FREM1: variants seen among roughly 807,000 people sequenced by gnomAD.
FREM1 encodes FRAS1-related extracellular matrix protein 1.
A neutral mutation model predicts 210.1 loss-of-function variants in FREM1; 220 were observed. The ratio of observed to expected loss-of-function variants is 1.05; its 90% CI spans 0.94 to 1.17. The LOEUF is 1.17. FREM1 is among the 50% of genes most tolerant of loss of function. The pLI, the probability that FREM1 is intolerant of heterozygous loss-of-function variation, is 0.00. For synonymous variants in FREM1, 1,189 were observed against 980.2 expected (o/e 1.21, Z -3.98); for missense variants, 3,454 against 2,675.5 (o/e 1.29, Z -6.42).
chr9:14,786,070 G>A (rs1389736), intron 23 of FREM1, among the ~76,000 whole-genome samples: 147,970 of 152,234 alleles, frequency 0.97, 72,045 homozygotes, highest in Middle Eastern at 1. Context: ...TCAAATATAG[G>A]GCTTCTACTC....
At position 14,833,522 on chromosome 9, in the gene FREM1, T is replaced by C. The variant is rs180942992; in HGVS notation, c.1881+7925A>G. Among the ~76,000 whole-genome samples, 14 of 152,346 alleles carry C rather than the reference T, an allele frequency of 9.2e-5. No individual in the cohort carries two copies. In the East Asian group the frequency reaches 2.5e-3, roughly 27 times the overall value. On this transcript the variant is annotated intron_variant, in intron 10 of 36. Coordinates refer to ENST00000380880, the MANE Select transcript of FREM1 (RefSeq NM_001379081.2). ...TGTAATGGTAGTTTCAAAAGCTGCC[T>C]ATCACTCCTTTGAAAATACCTTGCA...
At chr9:14,900,330 C>T (rs1838551823) in intron 1 of FREM1, among the ~76,000 whole-genome samples, 2 of 152,204 alleles carry the variant, frequency 1.3e-5, no homozygotes, top group South Asian at 4.1e-4. Flanking sequence ...AGAACCACTG[C>T]TGCAAATATT....
Position 14,824,801 on chromosome 9 carries a change from G to A in FREM1, c.2073C>T (p.Ser691=), listed in dbSNP as rs12236053. Residue 691 remains serine (S), a synonymous_variant, in exon 11 of 37, where the codon AGC becomes AGT. Transcript: ENST00000380880. The part of the protein sequence containing the change: ...TITTPPFFSF[S]HRHLDAGKLF... ...AATGGTGACTTTTCAGATACCTGTG[G>A]CTGAAGGAGAAAAATGGAGGAGTAG... The A allele has an allele frequency of 0.13, 204,072 of 1,607,006 alleles. 13,441 individuals carry two copies. Among genetic ancestry groups the A allele is most frequent in the African/African-American group, 0.2 (14,751 of 74,844 alleles).
At chr9:14,786,714 A>G (rs751733784) in intron 23 of FREM1, among the ~76,000 whole-genome samples, 2 of 152,256 alleles carry the variant, frequency 1.3e-5, no homozygotes, top group Non-Finnish European at 2.9e-5. Context: ...ATTTCAGATT[A>G]CTAAATTGGT....
intron 21 of FREM1, 137 bp downstream of exon 21, chr9:14,797,361 T>C (rs552785502): frequency 2.4e-5 from 14 of 574,446 alleles, no homozygotes; most frequent in African/African-American, 9.5e-5. Flanking sequence ...TCCTCATGCC[T>C]GAGTGGCAGG....
chr9:14,814,723 G>A (rs945173184), intron 15 of FREM1, among the ~76,000 whole-genome samples: 4 of 152,136 alleles, frequency 2.6e-5, no homozygotes, highest in South Asian at 2.1e-4. Context: ...GTTCACAAAA[G>A]AGTCTCAGCT....
intron 10 of FREM1, among the ~76,000 whole-genome samples, chr9:14,829,791 T>C (rs534097361): frequency 6.6e-6 from 1 of 152,358 alleles, no homozygotes; most frequent in Non-Finnish European, 1.5e-5. Flanking sequence ...AACTTGCTTT[T>C]GAAAAACATT....
In FREM1 at chr9:14,868,771, G is replaced by C. The variant is rs528445853; in HGVS notation, c.207C>G (p.Thr69=). Residue 69 remains threonine (T), a synonymous_variant, in exon 2 of 37, where the codon ACC becomes ACG. Transcript: ENST00000380880. ...GTGGAGTGAGTTTCCCAACCCTCTG[G>C]GTTATTGGCTCATTCATCACAACTT... is the stretch of plus-strand genomic sequence containing the variant. ...KVEVVMNEPI[T]QRVGKLTPQV... is the part of the protein sequence containing the mutation. 3.1e-6 allele frequency: 5 copies of C among 1,612,218 alleles called. No homozygotes were observed. The highest frequency in any genetic ancestry group is 3.3e-5 in the Admixed American group (2 of 59,790).
At chr9:14,744,546 T>G (rs987287295) in intron 35 of FREM1, among the ~76,000 whole-genome samples, 3 of 152,126 alleles carry the variant, frequency 2.0e-5, no homozygotes, top group African/African-American at 7.2e-5. Flanking sequence ...TTGATTTATC[T>G]ACATTGTTGG....
intron 18 of FREM1, among the ~76,000 whole-genome samples, 167 bp downstream of exon 18, chr9:14,806,494 C>G (rs904502916): frequency 6.6e-6 from 1 of 152,048 alleles, no homozygotes; most frequent in Non-Finnish European, 1.5e-5. Flanking sequence ...CCTCAGGTGA[C>G]CTGCCCATCT....
intron 14 of FREM1, among the ~76,000 whole-genome samples, chr9:14,817,344 G>A (rs1820482453): frequency 6.6e-6 from 1 of 152,138 alleles, no homozygotes; most frequent in Non-Finnish European, 1.5e-5. Flanking sequence ...CTAAAACCTT[G>A]ATCAATGAAT....
chr9:14,785,016 A>C (rs2132874867), intron 23 of FREM1, among the ~76,000 whole-genome samples: 1 of 152,200 alleles, frequency 6.6e-6, no homozygotes, highest in African/African-American at 2.4e-5. Flanking sequence ...AATTGGTACA[A>C]GATTTGGCAT....
At chr9:14,860,818 C>CATAT in intron 3 of FREM1, among the ~76,000 whole-genome samples, 1 of 48,084 alleles carries the variant, frequency 2.1e-5, no homozygotes, top group East Asian at 1.1e-3. Context: ...CATATATACA[C>CATAT]ATATATACAT....
chr9:14,893,089 G>A (rs1837140306), intron 1 of FREM1, among the ~76,000 whole-genome samples: 2 of 152,254 alleles, frequency 1.3e-5, no homozygotes, highest in African/African-American at 2.4e-5. Context: ...GCAGCCAGCC[G>A]GGTCAGTAGG....
rs1204096216 is a variant in FREM1 at position 14,907,612 on chromosome 9, C to G, written c.-268+2302G>C. ...CAGCCTTTCCAGGGAGTTACGGGAT[C>G]CCATTGTAAGGAATGGCTACATGCC... On this transcript the variant is annotated intron_variant, in intron 1 of 36. Coordinates refer to ENST00000380880, the MANE Select transcript of FREM1 (RefSeq NM_001379081.2). Among the ~76,000 whole-genome samples the G allele has an allele frequency of 2.0e-5, 3 of 152,174 alleles. No homozygotes were observed. The South Asian group carries it at 6.2e-4, about 32-fold the overall frequency.
intron 25 of FREM1, chr9:14,774,218 TG>T: frequency 5.9e-6 from 3 of 507,164 alleles, no homozygotes; most frequent in South Asian, 4.4e-5. Context: ...CTTCATTTCA[TG>T]TGTCAACTTT....
At chr9:14,820,837 G>A (rs1821167606) in intron 13 of FREM1, among the ~76,000 whole-genome samples, 1 of 152,188 alleles carries the variant, frequency 6.6e-6, no homozygotes, top group Non-Finnish European at 1.5e-5. Context: ...AGAAAGAGAG[G>A]GAGCTCTTAC....
At chr9:14,893,515 G>A (rs144358949) in intron 1 of FREM1, among the ~76,000 whole-genome samples, 4 of 152,210 alleles carry the variant, frequency 2.6e-5, no homozygotes, top group African/African-American at 9.7e-5. Context: ...CAGGAAATGA[G>A]TCCTTTGTCT....
At chr9:14,897,568 G>A (rs1220390428) in intron 1 of FREM1, among the ~76,000 whole-genome samples, 2 of 150,806 alleles carry the variant, frequency 1.3e-5, no homozygotes, top group Admixed American at 1.3e-4. Flanking sequence ...CAACAAAGAG[G>A]CTTAATCGAA....
Sources: gnomAD v4.1 joint callset for allele counts (sites outside exome capture counted in the v4.1 genomes callset) on GRCh38, gnomAD v4.1.1 for gene constraint, MANE v1.5 for transcripts, NCBI Gene and HGNC (gene_info 2026-07-23, HGNC 2026-07-21) for gene names.